JADE2: variants seen among roughly 807,000 people sequenced by gnomAD.
JADE2 encodes the protein E3 ubiquitin-protein ligase Jade-2.
In JADE2, 13 loss-of-function variants were observed where a neutral mutation model predicts 85.7. The ratio of observed to expected loss-of-function variants is 0.15; its 90% CI spans 0.10 to 0.24. The LOEUF (loss-of-function observed/expected upper bound fraction) is 0.24, where lower values mean the gene tolerates loss of function less well. JADE2 is among the 10% of genes least tolerant of loss of function. The pLI is 1.00. For missense variants in JADE2, 846 were observed against 1,115.9 expected (o/e 0.76, Z 3.45); for synonymous variants, 440 against 456.1 (o/e 0.96, Z 0.45).
At chr5:134,534,954 A>G (rs1484495676) in intron 1 of JADE2, among the ~76,000 whole-genome samples, 1 of 152,206 alleles carries the variant, frequency 6.6e-6, no homozygotes, top group Non-Finnish European at 1.5e-5. Flanking sequence ...TTCAGCAGCC[A>G]GGAGCTGATG....
intron 3 of JADE2, among the ~76,000 whole-genome samples, chr5:134,541,428 TC>T (rs1231325220): frequency 2.0e-5 from 3 of 152,224 alleles, no homozygotes; most frequent in Non-Finnish European, 4.4e-5. Context: ...CTCTTCTCTT[TC>T]TGTGAATGGC....
chr5:134,524,708 G>T (rs536844235), upstream of JADE2, among the ~76,000 whole-genome samples: 1 of 152,346 alleles, frequency 6.6e-6, no homozygotes, highest in East Asian at 1.9e-4. Flanking sequence ...CACCCGGGAG[G>T]GGGGAGGGGG....
chr5:134,577,429 T>C (rs746181952), intron 11 of JADE2, among the ~76,000 whole-genome samples: 1 of 152,198 alleles, frequency 6.6e-6, no homozygotes, highest in Non-Finnish European at 1.5e-5. Context: ...CTCATGGACC[T>C]CACGTGCTTC....
rs559652948 is a variant in JADE2 at position 134,580,788 on chromosome 5, C to T, written c.*1471C>T. The stretch of plus-strand genomic sequence containing the variant: ...GTTCTTTAGCAACAAAGTATAGAAA[C>T]ATGTTCATTGCACACACCCAAGGAG... On this transcript the variant is annotated 3_prime_UTR_variant, in exon 12 of 12. Transcript: ENST00000681547. The T allele has an allele frequency of 6.6e-6, 1 of 152,570 alleles. No homozygotes were observed. Among genetic ancestry groups the T allele is most frequent in the Admixed American group, 6.5e-5 (1 of 15,278 alleles). 9.5% of individuals were successfully genotyped at this position (152,570 alleles called of 1,614,324 possible).
intron 9 of JADE2, among the ~76,000 whole-genome samples, chr5:134,572,015 G>C (rs945107336): frequency 6.6e-6 from 1 of 152,270 alleles, no homozygotes; most frequent in South Asian, 2.1e-4. Context: ...TGAGAAGAAA[G>C]GGGCCCCAGC....
In JADE2 at chr5:134,579,514, G is replaced by T. The variant is rs1230628805; in HGVS notation, c.*197G>T. On this transcript the variant is annotated 3_prime_UTR_variant, in exon 12 of 12. Coordinates refer to ENST00000681547, the MANE Select transcript of JADE2 (RefSeq NM_001388185.1). The surrounding 1 kb of genome is among the most constrained non-coding windows in gnomAD (Gnocchi z 4.6). ...CCTCTGTGCTGGCCTAGGACATTAG[G>T]ATTCCTTCCACGGCTCCGGCCGCTA... 1 of 560,318 alleles carries T rather than the reference G, an allele frequency of 1.8e-6. No homozygotes were observed. 34.7% of individuals were successfully genotyped at this position (560,318 alleles called of 1,614,324 possible). A position where few individuals can be genotyped will look rare whatever the true frequency, so the allele number is the denominator to read the frequency against.
chr5:134,545,524 C>CT lies in JADE2; in HGVS notation c.154-6527dup, dbSNP rs1358223169. Among the ~76,000 whole-genome samples the CT allele has an allele frequency of 5.9e-5, 9 of 151,582 alleles. No individual in the cohort carries two copies. In the East Asian group the frequency reaches 1.8e-3, roughly 30 times the overall value. Reference sequence around the variant, plus strand: ...TTTCGTGTTTTATACTGAATTTTAACTGCATAAGTTTGCTCTTGGCTGGGA... The same window carrying CT: ...TTTCGTGTTTTATACTGAATTTTAACTTGCATAAGTTTGCTCTTGGCTGGGA... On this transcript the variant is annotated intron_variant, in intron 3 of 11. Coordinates refer to ENST00000681547, the MANE Select transcript of JADE2 (RefSeq NM_001388185.1).
chr5:134,536,016 C>T (rs537249683), intron 2 of JADE2, 101 bp downstream of exon 2: 1 of 962,900 alleles, frequency 1.0e-6, no homozygotes, highest in South Asian at 1.3e-5. Context: ...CTTAATTTCA[C>T]TAAGAGGCAT....
At chr5:134,535,441 G>A (rs1761526757) in intron 1 of JADE2, among the ~76,000 whole-genome samples, 1 of 152,166 alleles carries the variant, frequency 6.6e-6, no homozygotes, top group African/African-American at 2.4e-5. Context: ...AATCAGTCTT[G>A]TTTGCTGTCC....
At chr5:134,561,637 T>A (rs549997504) in intron 6 of JADE2, among the ~76,000 whole-genome samples, 25 of 152,240 alleles carry the variant, frequency 1.6e-4, no homozygotes, top group Admixed American at 1.0e-3. Context: ...TTATGCACCA[T>A]CGCTGGAATT....
At chr5:134,528,880 T>A (rs1761050437) in intron 1 of JADE2, among the ~76,000 whole-genome samples, 1 of 152,212 alleles carries the variant, frequency 6.6e-6, no homozygotes, top group African/African-American at 2.4e-5. Context: ...CCAAAATGCT[T>A]TTCCTTTCCC....
intron 7 of JADE2, chr5:134,564,193 C>T (rs1269771458): frequency 8.1e-6 from 2 of 247,082 alleles, no homozygotes; most frequent in Non-Finnish European, 1.6e-5. Context: ...CAGTCTTAAG[C>T]ACATACACAC....
At chr5:134,547,254 GC>G (rs1320424695) in intron 3 of JADE2, among the ~76,000 whole-genome samples, 1 of 152,166 alleles carries the variant, frequency 6.6e-6, no homozygotes, top group Non-Finnish European at 1.5e-5. Flanking sequence ...CCCCTCCAGG[GC>G]TGCATTGGCA....
At position 134,562,327 on chromosome 5, in the gene JADE2, C is replaced by G. The variant is rs750269434; in HGVS notation, c.812C>G (p.Thr271Ser). Residue 271 changes from threonine (T) to serine (S), a missense_variant, in exon 7 of 12, where the codon ACC (threonine) becomes AGC (serine). Thr to Ser is a moderately conservative substitution (Grantham distance 58). Around this residue, in one of 9 missense-constraint regions of JADE2, gnomAD observed 129 missense variants for 255.4 expected, o/e 0.51. Coordinates refer to ENST00000681547, the MANE Select transcript of JADE2 (RefSeq NM_001388185.1). This position sits in a 1 kb window ranked among gnomAD's most constrained non-coding sequence, Gnocchi z 4.6. The stretch of plus-strand genomic sequence containing the variant: ...GCCTTGAAGCCCACTAGAAGTGGGA[C>G]CAAGTGGGTGCATGTCAGCTGTGCC... ...GGALKPTRSG[T>S]KWVHVSCALW... is the part of the protein sequence containing the mutation. 7.4e-6 allele frequency: 12 copies of G among 1,613,870 alleles called. No homozygotes were observed. Among genetic ancestry groups the G allele is most frequent in the Admixed American group, 1.7e-5 (1 of 59,996 alleles).
chr5:134,566,010 C>G lies in JADE2; in HGVS notation c.970-106C>G. 1 of 980,652 alleles carries G rather than the reference C, an allele frequency of 1.0e-6. No individual in the cohort carries two copies. The highest frequency in any genetic ancestry group is 1.6e-5 in the African/African-American group (1 of 61,512). The allele number at this position is 980,652 out of a possible 1,614,324, so 60.7% of individuals were successfully genotyped here. ...GCCCATGCCATTCTGTTTAGGTTCTCTCCAGCATTGCGCATTCTCAGTAGA... is the reference window on the plus strand; with the variant it reads ...GCCCATGCCATTCTGTTTAGGTTCTGTCCAGCATTGCGCATTCTCAGTAGA... On this transcript the variant is annotated intron_variant, in intron 8 of 11. Coordinates refer to ENST00000681547, the MANE Select transcript of JADE2 (RefSeq NM_001388185.1). The surrounding 1 kb of genome is among the most constrained non-coding windows in gnomAD (Gnocchi z 6.7).
chr5:134,556,952 CCA>C (rs149225870), intron 4 of JADE2, among the ~76,000 whole-genome samples: 16,403 of 130,058 alleles, frequency 0.13, 1,592 homozygotes, highest in East Asian at 0.25. Flanking sequence ...TACACACACA[CCA>C]CACACACACC....
At chr5:134,538,876 AGACT>A (rs1197062055) in intron 3 of JADE2, among the ~76,000 whole-genome samples, 3 of 145,662 alleles carry the variant, frequency 2.1e-5, no homozygotes, top group African/African-American at 7.6e-5. Context: ...TTTTTTTTGG[AGACT>A]GAGGTTCTCT....
intron 4 of JADE2, among the ~76,000 whole-genome samples, chr5:134,556,742 C>A (rs1389615927): frequency 3.7e-5 from 4 of 107,486 alleles, no homozygotes; most frequent in Non-Finnish European, 7.5e-5. Context: ...CAAAACACAC[C>A]CCACACATAC....
At chr5:134,556,366 C>T (rs1762913626) in intron 4 of JADE2, among the ~76,000 whole-genome samples, 1 of 152,134 alleles carries the variant, frequency 6.6e-6, no homozygotes, top group African/African-American at 2.4e-5. Context: ...AGGCAAAGTG[C>T]CCCCTATATT....
Sources: gnomAD v4.1 joint callset for allele counts (sites outside exome capture counted in the v4.1 genomes callset) on GRCh38, gnomAD v4.1.1 for gene constraint, gnomAD v4.1.1 regional missense constraint, Gnocchi (gnomAD v3.1) non-coding constraint, MANE v1.5 for transcripts, NCBI Gene and HGNC (gene_info 2026-07-23, HGNC 2026-07-21) for gene names.